Variants in WAS observed in about 807,000 individuals in gnomAD.
The protein encoded by WAS is actin nucleation-promoting factor WAS.
WAS carries 1 observed loss-of-function variant against 38.9 expected under a neutral mutation model. The ratio of observed to expected loss-of-function variants is 0.03; its 90% CI spans 0.01 to 0.12. WAS has a LOEUF of 0.12. WAS is among the 10% of genes least tolerant of loss of function. The pLI is 1.00. For synonymous variants in WAS, 182 were observed against 173.6 expected (o/e 1.05, Z -0.38); for missense variants, 311 against 431.2 (o/e 0.72, Z 2.47).
intron 7 of WAS, among the ~76,000 whole-genome samples, chrX:48,687,835 T>C (rs1184624989): frequency 9.1e-6 from 1 of 109,814 alleles, no homozygotes; most frequent in Non-Finnish European, 1.9e-5. Flanking sequence ...ATGCATGGGA[T>C]AGATGGGGAA....
At chrX:48,683,440 G>A (rs1286705079), upstream of WAS, 8 of 136,299 alleles carry the variant, frequency 5.9e-5, no homozygotes, top group Non-Finnish European at 8.8e-5. Context: ...TCGGGCCTCA[G>A]CCTCAGGCTA....
chrX:48,684,373 G>A lies in WAS; in HGVS notation c.223G>A (p.Val75Met), dbSNP rs782290433. Reference sequence around the variant, plus strand: ...GGAGCATTGTGGGGCTGTGTGCTTCGTGAAGGATAACCCCCAGAAGTCCTA... The same window carrying A: ...GGAGCATTGTGGGGCTGTGTGCTTCATGAAGGATAACCCCCAGAAGTCCTA... Reference protein sequence around the residue: ...TKEHCGAVCFVKDNPQKSYFI... With the variant: ...TKEHCGAVCFMKDNPQKSYFI... Residue 75 changes from valine to methionine, a missense_variant, in exon 2 of 12, where the codon GTG (valine) becomes ATG (methionine). Coordinates refer to ENST00000376701, the MANE Select transcript of WAS (RefSeq NM_000377.3). The A allele has an allele frequency of 8.3e-7, 1 of 1,209,736 alleles. No individual in the cohort carries two copies. The highest frequency in any genetic ancestry group is 1.8e-5 in the African/African-American group (1 of 57,111).
chrX:48,685,879 A>C, intron 4 of WAS, 43 bp downstream of exon 4: 1 of 1,208,443 alleles, frequency 8.3e-7, no homozygotes, highest in Non-Finnish European at 1.1e-6. Context: ...GGCAGAGGTG[A>C]GTGCAAGCCT....
In WAS at chrX:48,684,112, C is replaced by G. The variant is rs181677888; in HGVS notation, c.132+127C>G. The G allele has an allele frequency of 1.8e-4, 195 of 1,085,224 alleles. No homozygotes were observed. In the African/African-American group the frequency reaches 3.1e-3, roughly 17 times the overall value. The allele number at this position is 1,085,224 out of a possible 1,213,427, so 89.4% of individuals were successfully genotyped here. On this transcript the variant is annotated intron_variant, in intron 1 of 11. Coordinates refer to ENST00000376701, the MANE Select transcript of WAS (RefSeq NM_000377.3). ...CATCATCTCCTCTCCTAGAATTTCCCGTCATAATCCACCCTTCCCAGGAAG... is the reference window on the plus strand; with the variant it reads ...CATCATCTCCTCTCCTAGAATTTCCGGTCATAATCCACCCTTCCCAGGAAG...
Position 48,685,840 on chromosome X carries a change from AG to A in WAS, c.463+6del. ...AGGAATCAGAGGCAAAGTGGAGGTG[AG>A]GAGGCCACAGGGGAGGAAAGGAAGT... On this transcript the variant is annotated splice_donor_5th_base_variant and intron_variant, in intron 4 of 11. Transcript: ENST00000376701. 1 of 1,201,782 alleles carries A rather than the reference AG, an allele frequency of 8.3e-7. No homozygotes were observed. The highest frequency in any genetic ancestry group is 1.8e-5 in the South Asian group (1 of 55,858).
At chrX:48,677,738 AGCGTCAGTGAACTGT>A (rs1371925714) in intron 1 of WAS, among the ~76,000 whole-genome samples, 1 of 111,606 alleles carries the variant, frequency 9.0e-6, no homozygotes, top group East Asian at 2.8e-4. Context: ...ATTTGCCCAC[AGCGTCAGTGAACTGT>A]GTAGAACTCT....
upstream of WAS, chrX:48,683,787 T>C (rs1476798001): frequency 3.7e-5 from 44 of 1,183,950 alleles, no homozygotes; most frequent in African/African-American, 8.9e-5. Flanking sequence ...TTGCTGCTCA[T>C]TGCGGAAGTT....
intron 1 of WAS, among the ~76,000 whole-genome samples, chrX:48,678,762 G>A (rs951796403): frequency 9.0e-6 from 1 of 111,486 alleles, no homozygotes; most frequent in Non-Finnish European, 1.9e-5. Flanking sequence ...ACCAAGTACT[G>A]GCATCCAGTG....
chrX:48,691,058 A>G (rs2062438179), intron 11 of WAS, 49 bp from the exon 12 acceptor site: 3 of 1,159,501 alleles, frequency 2.6e-6, no homozygotes, highest in Non-Finnish European at 3.5e-6. Flanking sequence ...GGCCCTATGA[A>G]GCCCCCCACC....
rs1471831839 is a variant in WAS, at chrX:48,689,542, C to T, written c.1453+108C>T. 1.7e-5 allele frequency: 11 copies of T among 644,174 alleles called. No homozygotes were observed. In the East Asian group the frequency reaches 3.9e-4, roughly 23 times the overall value. 53.1% of individuals were successfully genotyped at this position (644,174 alleles called of 1,213,427 possible). A position where few individuals can be genotyped will look rare whatever the true frequency, so the allele number is the denominator to read the frequency against. On this transcript the variant is annotated intron_variant, in intron 11 of 11. Coordinates refer to ENST00000376701, the MANE Select transcript of WAS (RefSeq NM_000377.3). Reference sequence around the variant, plus strand: ...AGTGACATCAGCCCCATCTGTTTGACAGCATTAACATGAATCTTGTGTCAG... The same window carrying T: ...AGTGACATCAGCCCCATCTGTTTGATAGCATTAACATGAATCTTGTGTCAG...
intron 11 of WAS, 94 bp from the exon 12 acceptor site, chrX:48,691,013 A>G: frequency 1.3e-6 from 1 of 794,633 alleles, no homozygotes; most frequent in Non-Finnish European, 1.9e-6. Flanking sequence ...CTAGCATGAG[A>G]CCTCAGAACC....
At chrX:48,684,448 C>T (rs782363149) in intron 2 of WAS, 25 bp downstream of exon 2, 2 of 1,194,783 alleles carry the variant, frequency 1.7e-6, no homozygotes, top group Admixed American at 4.5e-5. Context: ...CCCGACTGGA[C>T]TTGCAAGCCA....
intron 7 of WAS, 111 bp downstream of exon 7, chrX:48,687,066 G>A (rs1315238365): frequency 3.0e-6 from 3 of 993,105 alleles, no homozygotes; most frequent in Non-Finnish European, 4.2e-6. Context: ...TGGCTGGGTG[G>A]CTGAGTGGGT....
chrX:48,688,045 C>T lies in WAS; in HGVS notation c.735-9C>T. On this transcript the variant is annotated splice_polypyrimidine_tract_variant and intron_variant, in intron 7 of 11. Coordinates refer to ENST00000376701, the MANE Select transcript of WAS (RefSeq NM_000377.3). Reference sequence around the variant, plus strand: ...TGAGGATTCACTGGAGTCTCTTCACCTCTCCCAGGCATGTCAGCCACGTGG... The same window carrying T: ...TGAGGATTCACTGGAGTCTCTTCACTTCTCCCAGGCATGTCAGCCACGTGG... 2 of 1,205,856 alleles carry T rather than the reference C, an allele frequency of 1.7e-6. No homozygotes were observed. Among genetic ancestry groups the T allele is most frequent in the East Asian group, 3.0e-5 (1 of 33,685 alleles).
At chrX:48,683,356 G>A (rs2062407903), upstream of WAS, 1 of 114,255 alleles carries the variant, frequency 8.8e-6, no homozygotes, top group African/African-American at 3.3e-5. Flanking sequence ...AAAGTGCTGG[G>A]ATTACAGGTG....
At chrX:48,686,978 C>A (rs1557006836) in intron 7 of WAS, 23 bp downstream of exon 7, 3 of 1,187,610 alleles carry the variant, frequency 2.5e-6, no homozygotes, top group Admixed American at 2.4e-5. Flanking sequence ...CCCCAGTGGA[C>A]CCACAGATTC....
At chrX:48,689,236 G>A in intron 10 of WAS, 84 bp from the exon 11 acceptor site, 2 of 981,845 alleles carry the variant, frequency 2.0e-6, no homozygotes, top group Non-Finnish European at 2.8e-6. Context: ...GAGTGTGTGG[G>A]AGAGAAAATA....
chrX:48,687,454 T>C lies in WAS; in HGVS notation c.734+499T>C, dbSNP rs1243019732. On this transcript the variant is annotated intron_variant, in intron 7 of 11. Transcript: ENST00000376701. ...GTGGTTGGATGGACAAGTTTATGGG[T>C]GGATGGGTTGATGGGAGGTGCGTGG... Among the ~76,000 whole-genome samples, 3 of 109,420 alleles carry C rather than the reference T, an allele frequency of 2.7e-5. No individual in the cohort carries two copies. In the Admixed American group the frequency reaches 2.9e-4, roughly 11 times the overall value.
At chrX:48,682,476 C>T (rs1438232444), upstream of WAS, among the ~76,000 whole-genome samples, 1 of 112,242 alleles carries the variant, frequency 8.9e-6, no homozygotes, top group Non-Finnish European at 1.9e-5. Flanking sequence ...TAAGATAAAA[C>T]TAGGATGTCC....
Sources: gnomAD v4.1 joint callset for allele counts (sites outside exome capture counted in the v4.1 genomes callset) on GRCh38, gnomAD v4.1.1 for gene constraint, MANE v1.5 for transcripts, NCBI Gene and HGNC (gene_info 2026-07-23, HGNC 2026-07-21) for gene names.